The following ATP9A variants were observed in gnomAD, a reference collection of about 807,000 sequenced individuals.
ATP9A encodes ATPase phospholipid transporting 9A.
Under a neutral mutation model 144.1 loss-of-function variants are expected in ATP9A, and 52 were observed. The ratio of observed to expected loss-of-function variants is 0.36; its 90% CI spans 0.29 to 0.45. The LOEUF (loss-of-function observed/expected upper bound fraction) is 0.45. Ranked by LOEUF, ATP9A falls within the 20% of genes least tolerant of loss-of-function variation. The probability of loss-of-function intolerance (pLI) is 1.00; values close to 1 mark genes in which losing one functional copy is unlikely to be tolerated. For synonymous variants in ATP9A, 582 were observed against 557.4 expected, an observed-to-expected ratio of 1.04 and a Z score of -0.62; for missense variants, 947 against 1,392.7, an observed-to-expected ratio of 0.68 and a Z score of 5.09.
At chr20:51,641,161 C>G (rs886727085) in intron 14 of ATP9A, among the ~76,000 whole-genome samples, 1 of 151,944 alleles carries the variant, frequency 6.6e-6, no homozygotes, top group Admixed American at 6.6e-5. Context: ...GAGTTCGAGA[C>G]TAGCCTGGTC....
intron 14 of ATP9A, among the ~76,000 whole-genome samples, chr20:51,640,360 G>A (rs1245060474): frequency 1.3e-5 from 2 of 152,184 alleles, no homozygotes; most frequent in Non-Finnish European, 1.5e-5. Context: ...AGGAGGTAAT[G>A]CTGGTATCCA....
At chr20:51,633,240 C>T (rs1266257306) in intron 15 of ATP9A, among the ~76,000 whole-genome samples, 1 of 151,832 alleles carries the variant, frequency 6.6e-6, no homozygotes, top group Non-Finnish European at 1.5e-5. Context: ...GCTGCACATG[C>T]GTTAAAAATC....
intron 9 of ATP9A, among the ~76,000 whole-genome samples, chr20:51,688,209 C>G (rs1295997648): frequency 4.6e-5 from 7 of 152,216 alleles, no homozygotes; most frequent in Non-Finnish European, 7.3e-5. Flanking sequence ...CAGGGCCTGA[C>G]ACATGGGCTG....
At chr20:51,601,380 G>A in intron 27 of ATP9A, 33 bp from the exon 28 acceptor site, 1 of 1,579,996 alleles carries the variant, frequency 6.3e-7, no homozygotes, top group Non-Finnish European at 8.6e-7. Flanking sequence ...CAGTGAGCAG[G>A]CAGGAATATT....
intron 1 of ATP9A, among the ~76,000 whole-genome samples, chr20:51,760,431 G>A (rs1320256866): frequency 6.6e-6 from 1 of 152,112 alleles, no homozygotes; most frequent in African/African-American, 2.4e-5. Context: ...CTGAAATAAA[G>A]AATGTAAGTA....
chr20:51,623,452 C>T (rs531480435), intron 18 of ATP9A, among the ~76,000 whole-genome samples: 182 of 152,252 alleles, frequency 1.2e-3, no homozygotes, highest in Non-Finnish European at 5.7e-4. Context: ...CACTTAGCCT[C>T]AGTTTCTACA....
At chr20:51,767,990 G>C (rs565883765) in intron 1 of ATP9A, among the ~76,000 whole-genome samples, 211 of 152,300 alleles carry the variant, frequency 1.4e-3, no homozygotes, top group African/African-American at 4.9e-3. Flanking sequence ...GAGAAAGCAC[G>C]GCTGATCCGA....
At chr20:51,626,702 A>T (rs1282658993) in intron 17 of ATP9A, among the ~76,000 whole-genome samples, 1 of 151,882 alleles carries the variant, frequency 6.6e-6, no homozygotes, top group African/African-American at 2.4e-5. Context: ...AGAATGATTT[A>T]TGCCAAATTT....
intron 26 of ATP9A, among the ~76,000 whole-genome samples, chr20:51,605,635 AATG>A (rs1174176488): frequency 6.6e-6 from 1 of 150,952 alleles, no homozygotes; most frequent in Non-Finnish European, 1.5e-5. Flanking sequence ...TAAAAAATAA[AATG>A]ATGTCGTGAC....
At chr20:51,682,376 T>C (rs2077503483) in intron 9 of ATP9A, among the ~76,000 whole-genome samples, 1 of 152,062 alleles carries the variant, frequency 6.6e-6, no homozygotes, top group South Asian at 2.1e-4. Context: ...TACGTCCTAT[T>C]CACGTGGCTG....
At chr20:51,652,885 G>C (rs1036549158) in intron 14 of ATP9A, among the ~76,000 whole-genome samples, 1 of 152,016 alleles carries the variant, frequency 6.6e-6, no homozygotes, top group African/African-American at 2.4e-5. Context: ...AAGGCGGGCG[G>C]ATCACGAGGT....
Position 51,613,757 on chromosome 20 carries a change from G to A in ATP9A, c.2491C>T (p.His831Tyr). 3 of 1,614,164 alleles carry A rather than the reference G, an allele frequency of 1.9e-6. No individual in the cohort carries two copies. The highest frequency in any genetic ancestry group is 2.5e-6 in the Non-Finnish European group (3 of 1,180,022). Reference protein sequence around the residue: ...FKHLGRLLMVHGRNSYKRSAA... With the variant: ...FKHLGRLLMVYGRNSYKRSAA... ...GACCGCTTGTAGCTGTTCCGGCCAT[G>A]CACCATAAGCAACCGGCCAAGATGC... Residue 831 changes from histidine to tyrosine, a missense_variant, in exon 23 of 28, where the codon CAT becomes TAT. Transcript: ENST00000338821.
intron 9 of ATP9A, among the ~76,000 whole-genome samples, chr20:51,677,012 C>T (rs184784131): frequency 2.3e-4 from 34 of 146,440 alleles, no homozygotes; most frequent in African/African-American, 8.6e-4. Context: ...TAGCTCACTG[C>T]AGCCTCAACA....
intron 14 of ATP9A, among the ~76,000 whole-genome samples, chr20:51,648,122 A>AT (rs1446066390): frequency 2.0e-5 from 3 of 152,194 alleles, no homozygotes; most frequent in Non-Finnish European, 2.9e-5. Context: ...TCATGCACAC[A>AT]TCTGAATGCT....
At chr20:51,619,232 T>C (rs917814137) in intron 19 of ATP9A, among the ~76,000 whole-genome samples, 189 bp from the exon 20 acceptor site, 2 of 152,154 alleles carry the variant, frequency 1.3e-5, no homozygotes, top group African/African-American at 2.4e-5. Context: ...AGAGAGCCCA[T>C]GTGCCAACCA....
At chr20:51,726,119 C>A (rs2077711409) in intron 2 of ATP9A, among the ~76,000 whole-genome samples, 187 bp from the exon 3 acceptor site, 2 of 152,118 alleles carry the variant, frequency 1.3e-5, no homozygotes, top group Non-Finnish European at 2.9e-5. Flanking sequence ...TCGAGACCAG[C>A]CTGACCAACA....
rs971674242 is a variant in ATP9A, at chr20:51,720,957, G to C, written c.327+4862C>G. 2.0e-5 allele frequency among the ~76,000 whole-genome samples: 3 copies of C among 152,218 alleles called. 1 individual carries two copies. The South Asian group carries it at 6.2e-4, about 32-fold the overall frequency. On this transcript the variant is annotated intron_variant, in intron 3 of 27. Transcript: ENST00000338821. Reference sequence around the variant, plus strand: ...CAGGCAGGAATGTCTGTTATCAGAGGGGAAGGGATGCTTGGATAAAGGGCC... The same window carrying C: ...CAGGCAGGAATGTCTGTTATCAGAGCGGAAGGGATGCTTGGATAAAGGGCC...
At chr20:51,710,712 C>T (rs1046801626) in intron 4 of ATP9A, among the ~76,000 whole-genome samples, 2 of 152,124 alleles carry the variant, frequency 1.3e-5, no homozygotes, top group African/African-American at 2.4e-5. Context: ...CAAAGAGAGA[C>T]CCACAAAGGA....
intron 15 of ATP9A, among the ~76,000 whole-genome samples, chr20:51,636,203 T>G (rs1398072074): frequency 6.6e-6 from 1 of 152,006 alleles, no homozygotes; most frequent in Non-Finnish European, 1.5e-5. Flanking sequence ...GGTTCCTGAG[T>G]GACTAGCAAG....
Sources: allele counts gnomAD v4.1 joint callset (sites outside exome capture counted in the v4.1 genomes callset), GRCh38; gene constraint gnomAD v4.1.1; transcripts MANE v1.5; gene names NCBI Gene and HGNC (gene_info 2026-07-23, HGNC 2026-07-21).